MACF1: variants seen among roughly 807,000 people sequenced by gnomAD.
MACF1 encodes the protein microtubule-actin cross-linking factor 1.
A neutral mutation model predicts 854.8 loss-of-function variants in MACF1; 193 were observed. The observed-to-expected ratio is 0.23, with a 90% CI of 0.20 to 0.25. The LOEUF (loss-of-function observed/expected upper bound fraction) is 0.25. Among genes scored for constraint, MACF1 ranks in the 10% least tolerant of loss-of-function variants. The pLI, the probability that MACF1 is intolerant of heterozygous loss-of-function variation, is 1.00. For missense variants in MACF1, 7,722 were observed against 8,929.1 expected (o/e 0.86, Z 5.45); for synonymous variants, 3,185 against 3,226.7 (o/e 0.99, Z 0.44).
chr1:39,084,271 G>A lies in MACF1; in HGVS notation c.53G>A (p.Arg18Gln), dbSNP rs372116509. ...AGTGAGCGGTCATGTCGGAGTGAGC[G>A]GTCTTGTCGGAGTGAGCGATCTTAC... Residue 18 changes from arginine to glutamine, a missense_variant, in exon 2 of 94, where the codon CGG (arginine) becomes CAG (glutamine). Physicochemically the swap from Arg to Gln is conservative, Grantham distance 43. Coordinates refer to the MACF1 transcript ENST00000361689. The surrounding 1 kb of genome is among the most constrained non-coding windows in gnomAD (Gnocchi z 5.2). The A allele has an allele frequency of 6.2e-6, 10 of 1,613,626 alleles. No individual in the cohort carries two copies. Among genetic ancestry groups the A allele is most frequent in the South Asian group, 3.3e-5 (3 of 91,072 alleles).
intron 21 of MACF1, among the ~76,000 whole-genome samples, chr1:39,298,175 G>A (rs1645964301): frequency 6.6e-6 from 1 of 151,428 alleles, no homozygotes; most frequent in Admixed American, 6.6e-5. Flanking sequence ...ATACACCTGA[G>A]TCAAAATTTT....
Position 39,084,715 on chromosome 1 carries a change from A to G in MACF1, c.220+277A>G, listed in dbSNP as rs185045936. On this transcript the variant is annotated intron_variant, in intron 2 of 93. Transcript: ENST00000361689. This position sits in a 1 kb window ranked among gnomAD's most constrained non-coding sequence, Gnocchi z 5.2. The stretch of plus-strand genomic sequence containing the variant: ...CCCCATTCAGTTATATTTTCTATGC[A>G]GTTGCCTTCATGGCTTAGGTACCAT... Among the ~76,000 whole-genome samples the G allele has an allele frequency of 3.3e-5, 5 of 152,280 alleles. No homozygotes were observed. Among genetic ancestry groups the G allele is most frequent in the Admixed American group, 3.3e-4 (5 of 15,290 alleles).
chr1:39,485,260 G>T, intron 100 of MACF1: 1 of 441,106 alleles, frequency 2.3e-6, no homozygotes, highest in Non-Finnish European at 4.1e-6. Flanking sequence ...CCTGTGCTGA[G>T]GTGGTTGAGC....
chr1:39,340,835 A>G lies in MACF1; in HGVS notation c.10463A>G (p.Glu3488Gly). 6.2e-7 allele frequency: 1 copy of G among 1,613,852 alleles called. No individual in the cohort carries two copies. Among genetic ancestry groups the G allele is most frequent in the Non-Finnish European group, 8.5e-7 (1 of 1,179,944 alleles). The stretch of plus-strand genomic sequence containing the variant: ...GTGTTAAATCAGCACACACAGCTAG[A>G]AGGCCGACTTCAAGATCTGAGAGCC... ...TKVLNQHTQL[E>G]GRLQDLRAWV... The change falls in exon 40 of 101, where the codon GAA becomes GGA. Residue 3488 changes from glutamate to glycine, a missense_variant. Around this residue, in one of 15 missense-constraint regions of MACF1, gnomAD observed 854 missense variants for 852.6 expected, o/e 1.00. Transcript: ENST00000564288.
intron 2 of MACF1, among the ~76,000 whole-genome samples, chr1:39,118,893 C>T (rs185844849): frequency 6.6e-6 from 1 of 152,290 alleles, no homozygotes; most frequent in Admixed American, 6.5e-5. Context: ...CCTCCTCCTC[C>T]TCTTTTTCTT....
rs372428713 is a variant in MACF1 at position 39,093,571 on chromosome 1, T to C, written c.220+9133T>C. On this transcript the variant is annotated intron_variant, in intron 2 of 93. Transcript: ENST00000361689. ...TGCGATCTCGGCTCACTGCAACTTC[T>C]GCCTGCCGGGTTCAAGTGATTCTCC... is the stretch of plus-strand genomic sequence containing the variant. 2.7e-5 allele frequency among the ~76,000 whole-genome samples: 4 copies of C among 149,826 alleles called. 1 individual carries two copies. The highest frequency in any genetic ancestry group is 2.0e-4 in the Admixed American group (3 of 14,918).
At chr1:39,218,716 TA>T (rs560591960) in intron 1 of MACF1, among the ~76,000 whole-genome samples, 9 of 152,236 alleles carry the variant, frequency 5.9e-5, no homozygotes, top group Non-Finnish European at 1.0e-4. Flanking sequence ...CTGTGATTCT[TA>T]ATAGTCCAAA....
intron 99 of MACF1, among the ~76,000 whole-genome samples, chr1:39,483,695 G>C (rs1645056928): frequency 1.3e-5 from 2 of 152,172 alleles, no homozygotes; most frequent in African/African-American, 4.8e-5. Context: ...TCAAACCCAG[G>C]TCTCCTGGTT....
intron 2 of MACF1, among the ~76,000 whole-genome samples, chr1:39,106,015 TG>T (rs1249982647): frequency 2.0e-5 from 3 of 151,940 alleles, no homozygotes; most frequent in Non-Finnish European, 4.4e-5. Context: ...CCGGCCGCCG[TG>T]GGGAGTTGCT....
rs1557666137 is a variant in MACF1, at chr1:39,459,269, C to A, written c.21360+20C>A. 2 of 1,593,226 alleles carry A rather than the reference C, an allele frequency of 1.3e-6. No individual in the cohort carries two copies. The highest frequency in any genetic ancestry group is 1.1e-5 in the South Asian group (1 of 88,388). Reference sequence around the variant, plus strand: ...GAGGAGGTAATGCCCTGCTGAGTGGCCTTCCCTGAAACAAAGTGCTTTTTT... The same window carrying A: ...GAGGAGGTAATGCCCTGCTGAGTGGACTTCCCTGAAACAAAGTGCTTTTTT... On this transcript the variant is annotated intron_variant, in intron 91 of 100. Transcript: ENST00000564288.
chr1:39,480,742 A>G (rs1043039872), intron 98 of MACF1, among the ~76,000 whole-genome samples, 178 bp from the exon 99 acceptor site: 1 of 152,106 alleles, frequency 6.6e-6, no homozygotes, highest in African/African-American at 2.4e-5. Flanking sequence ...GTTATGTGTG[A>G]ATGATGTTAG....
At chr1:39,291,800 C>T in intron 15 of MACF1, 110 bp from the exon 16 acceptor site, 1 of 1,081,712 alleles carries the variant, frequency 9.2e-7, no homozygotes, top group South Asian at 1.7e-5. Flanking sequence ...GCCTGGATGT[C>T]CTTTTGCTCA....
intron 2 of MACF1, among the ~76,000 whole-genome samples, chr1:39,113,645 A>G (rs557700569): frequency 6.6e-6 from 1 of 152,326 alleles, no homozygotes; most frequent in South Asian, 2.1e-4. Flanking sequence ...ACAGAGAAAA[A>G]TAAAAGCTTG....
At chr1:39,427,717 T>G in intron 62 of MACF1, 103 bp downstream of exon 62, 1 of 1,247,938 alleles carries the variant, frequency 8.0e-7, no homozygotes, top group South Asian at 1.5e-5. Context: ...TTTTGTGGGT[T>G]TAACTTAAAA....
intron 2 of MACF1, among the ~76,000 whole-genome samples, chr1:39,163,998 T>C (rs1045119832): frequency 5.9e-5 from 9 of 152,228 alleles, no homozygotes; most frequent in African/African-American, 2.2e-4. Context: ...ATAATGTTGC[T>C]TTTATATATA....
chr1:39,221,431 T>C (rs1644650283), intron 1 of MACF1, among the ~76,000 whole-genome samples: 1 of 152,234 alleles, frequency 6.6e-6, no homozygotes, highest in South Asian at 2.1e-4. Flanking sequence ...CAGTTCTGAC[T>C]GCTCTTCTGA....
chr1:39,363,605 T>TTTC (rs533658096), intron 49 of MACF1, among the ~76,000 whole-genome samples: 5 of 104,616 alleles, frequency 4.8e-5, no homozygotes, highest in South Asian at 2.5e-4. Context: ...TCTTTCTTTC[T>TTTC]TTTTTTTTTT....
chr1:39,383,163 A>G (rs1293151278), intron 56 of MACF1, among the ~76,000 whole-genome samples: 1 of 152,140 alleles, frequency 6.6e-6, no homozygotes, highest in African/African-American at 2.4e-5. Flanking sequence ...TGTCATTCCC[A>G]ATGAAATCCT....
At chr1:39,297,512 T>C in intron 20 of MACF1, 108 bp from the exon 21 acceptor site, 1 of 1,273,632 alleles carries the variant, frequency 7.9e-7, no homozygotes, top group East Asian at 2.3e-5. Context: ...TGCAGTAGGG[T>C]GTAATCAGCT....
Sources: gnomAD v4.1 joint callset for allele counts (sites outside exome capture counted in the v4.1 genomes callset) on GRCh38, gnomAD v4.1.1 for gene constraint, gnomAD v4.1.1 regional missense constraint, Gnocchi (gnomAD v3.1) non-coding constraint, MANE v1.5 for transcripts, NCBI Gene and HGNC (gene_info 2026-07-23, HGNC 2026-07-21) for gene names.